SLC30A9: variants seen among roughly 807,000 people sequenced by gnomAD.
The protein encoded by SLC30A9 is proton-coupled zinc antiporter SLC30A9, mitochondrial.
In SLC30A9, 58 loss-of-function variants were observed where a neutral mutation model predicts 87.5. That is an observed-to-expected ratio of 0.66 (90% CI 0.54 to 0.82). The LOEUF is 0.82. Ranked by LOEUF, SLC30A9 falls within the 40% of genes least tolerant of loss-of-function variation. SLC30A9 has a pLI of 0.00. For synonymous variants in SLC30A9, 234 were observed against 233.0 expected, an observed-to-expected ratio of 1.00 and a Z score of -0.04; for missense variants, 557 against 679.1, an observed-to-expected ratio of 0.82 and a Z score of 2.00.
At position 41,990,748 on chromosome 4, in the gene SLC30A9, A is replaced by T. The variant is rs1714394936; in HGVS notation, c.97A>T (p.Ser33Cys). The change falls in exon 1 of 18, where the codon AGC becomes TGC. Residue 33 changes from serine (S) to cysteine (C), a missense_variant. Physicochemically the swap from Ser to Cys is moderately radical, Grantham distance 112 (BLOSUM62 -1). This residue lies in a region of SLC30A9 where 467 missense variants were observed against 529.8 expected (regional missense o/e 0.88). Coordinates refer to ENST00000264451, the MANE Select transcript of SLC30A9 (RefSeq NM_006345.4). The stretch of plus-strand genomic sequence containing the variant: ...ATGCAGGGCGGCGGCCTGTAATCCC[A>T]GCGACCGCCAGGGTGAGTGTCCCGC... ...LRCRAAACNP[S>C]DRQEWQNLVT... The T allele has an allele frequency of 6.2e-7, 1 of 1,609,948 alleles. No individual in the cohort carries two copies. The highest frequency in any genetic ancestry group is 8.5e-7 in the Non-Finnish European group (1 of 1,178,528).
At chr4:41,994,996 A>C (rs1714634797) in intron 1 of SLC30A9, among the ~76,000 whole-genome samples, 1 of 152,062 alleles carries the variant, frequency 6.6e-6, no homozygotes, top group South Asian at 2.1e-4. Context: ...GGTGGCTCAC[A>C]CCTGTAATCC....
intron 6 of SLC30A9, chr4:42,029,602 C>T (rs1716336249): frequency 1.4e-6 from 1 of 703,758 alleles, no homozygotes; most frequent in African/African-American, 1.8e-5. Context: ...TGACAATGTG[C>T]CCAGTGAACC....
chr4:42,054,390 T>C (rs1482966239), intron 9 of SLC30A9, among the ~76,000 whole-genome samples: 5 of 152,034 alleles, frequency 3.3e-5, no homozygotes, highest in African/African-American at 9.7e-5. Context: ...ACATTCAGGA[T>C]TTGTGCATTT....
intron 10 of SLC30A9, among the ~76,000 whole-genome samples, chr4:42,061,449 TTTACTTTAACGTGAATATATATTCATG>T (rs1487099362): frequency 1.3e-5 from 2 of 152,256 alleles, no homozygotes; most frequent in Non-Finnish European, 2.9e-5. Flanking sequence ...TAGATCTTAA[TTTACTTTAACGTGAATATATATTCATG>T]TTACTTTAGA....
At chr4:42,014,725 A>G (rs143077663) in intron 2 of SLC30A9, among the ~76,000 whole-genome samples, 1 of 152,334 alleles carries the variant, frequency 6.6e-6, no homozygotes, top group Non-Finnish European at 1.5e-5. Flanking sequence ...ATTTAAGCAT[A>G]AAAAAGAATG....
chr4:42,074,099 G>GAA (rs890510271), intron 15 of SLC30A9, among the ~76,000 whole-genome samples: 1 of 145,902 alleles, frequency 6.9e-6, no homozygotes, highest in Non-Finnish European at 1.5e-5. Flanking sequence ...TACCAGGAGA[G>GAA]AAAAAAAAAA....
chr4:42,051,247 A>G (rs1717370367), intron 9 of SLC30A9, among the ~76,000 whole-genome samples: 1 of 152,236 alleles, frequency 6.6e-6, no homozygotes, highest in Admixed American at 6.5e-5. Context: ...AAATCTTCCT[A>G]AAAGTTCTAA....
At chr4:42,007,842 T>C (rs1206902066) in intron 2 of SLC30A9, among the ~76,000 whole-genome samples, 1 of 152,218 alleles carries the variant, frequency 6.6e-6, no homozygotes. Flanking sequence ...ACTGTGGTAG[T>C]ATTCTCCCTG....
rs975890940 is a variant in SLC30A9, at chr4:42,089,209, A to G, written c.*3083A>G. ...ATCTAGGATTTATCAAAGGTGAGGT[A>G]TACAGTGGTCCCTGACTTATAATGG... On this transcript the variant is annotated 3_prime_UTR_variant, in exon 18 of 18. Coordinates refer to ENST00000264451, the MANE Select transcript of SLC30A9 (RefSeq NM_006345.4). 3 of 152,212 alleles carry G rather than the reference A, an allele frequency of 2.0e-5. No individual in the cohort carries two copies. Among genetic ancestry groups the G allele is most frequent in the Non-Finnish European group, 4.4e-5 (3 of 68,056 alleles). 9.4% of individuals were successfully genotyped at this position (152,212 alleles called of 1,614,324 possible). A position where few individuals can be genotyped will look rare whatever the true frequency, so the allele number is the denominator to read the frequency against.
intron 9 of SLC30A9, among the ~76,000 whole-genome samples, chr4:42,057,028 G>T (rs1717649089): frequency 6.6e-6 from 1 of 152,182 alleles, no homozygotes; most frequent in African/African-American, 2.4e-5. Context: ...GATGCAAAAG[G>T]TGGGCTCCCA....
chr4:42,009,144 C>T (rs746019591), intron 2 of SLC30A9, among the ~76,000 whole-genome samples: 6 of 152,098 alleles, frequency 3.9e-5, no homozygotes, highest in Non-Finnish European at 7.4e-5. Flanking sequence ...AATTGAAATC[C>T]ATGATTAAGT....
At position 42,025,886 on chromosome 4, in the gene SLC30A9, C is replaced by T. The variant is rs570183379; in HGVS notation, c.610+2502C>T. Among the ~76,000 whole-genome samples the T allele has an allele frequency of 3.9e-5, 6 of 152,226 alleles. No homozygotes were observed. The South Asian group carries it at 1.2e-3, about 32-fold the overall frequency. Reference sequence around the variant, plus strand: ...TTCACCGTGGTCTCGATCTCCTGACCTCGTCATCCGCCCACCTCAGCCTCC... The same window carrying T: ...TTCACCGTGGTCTCGATCTCCTGACTTCGTCATCCGCCCACCTCAGCCTCC... On this transcript the variant is annotated intron_variant, in intron 6 of 17. Transcript: ENST00000264451.
At chr4:42,058,430 A>C (rs545495105) in intron 9 of SLC30A9, among the ~76,000 whole-genome samples, 2 of 152,172 alleles carry the variant, frequency 1.3e-5, no homozygotes, top group African/African-American at 4.8e-5. Context: ...ACATTTTCCT[A>C]TCTTTTTCTG....
intron 9 of SLC30A9, among the ~76,000 whole-genome samples, chr4:42,055,866 G>T (rs1184031701): frequency 1.3e-5 from 2 of 152,188 alleles, no homozygotes; most frequent in African/African-American, 2.4e-5. Context: ...CGTGAAGGGT[G>T]ATCATGGAGT....
chr4:42,046,921 A>G (rs563505622), intron 8 of SLC30A9, among the ~76,000 whole-genome samples: 2 of 152,350 alleles, frequency 1.3e-5, no homozygotes, highest in South Asian at 4.1e-4. Context: ...GGCCTTAGAA[A>G]TAACACCAAA....
chr4:42,008,155 T>TA (rs1577681614), intron 2 of SLC30A9, among the ~76,000 whole-genome samples: 2 of 152,220 alleles, frequency 1.3e-5, no homozygotes, highest in African/African-American at 2.4e-5. Context: ...AGCTTGTTGT[T>TA]ATAGGGCCTT....
intron 2 of SLC30A9, among the ~76,000 whole-genome samples, chr4:42,011,022 C>G (rs1715419124): frequency 6.6e-6 from 1 of 152,136 alleles, no homozygotes; most frequent in Non-Finnish European, 1.5e-5. Flanking sequence ...CAGTTGCTAC[C>G]TGAGGCTGTG....
At chr4:41,996,578 A>G (rs939398650) in intron 1 of SLC30A9, among the ~76,000 whole-genome samples, 5 of 152,012 alleles carry the variant, frequency 3.3e-5, no homozygotes, top group Admixed American at 6.5e-5. Flanking sequence ...ATCTCTACAA[A>G]AAAAAATTAA....
At chr4:42,057,576 A>C (rs2153139374) in intron 9 of SLC30A9, among the ~76,000 whole-genome samples, 1 of 152,082 alleles carries the variant, frequency 6.6e-6, no homozygotes, top group African/African-American at 2.4e-5. Context: ...AGCCCACAAA[A>C]CCACTTTTCT....
Sources: allele counts gnomAD v4.1 joint callset (sites outside exome capture counted in the v4.1 genomes callset), GRCh38; gene constraint gnomAD v4.1.1; regional missense constraint gnomAD v4.1.1; transcripts MANE v1.5; gene names NCBI Gene and HGNC (gene_info 2026-07-23, HGNC 2026-07-21).